The following C9 variants were observed in gnomAD, a reference collection of about 807,000 sequenced individuals.
The protein encoded by C9 is complement component C9.
C9 carries 63 observed loss-of-function variants against 65.4 expected under a neutral mutation model. That is an observed-to-expected ratio of 0.96 (90% CI 0.79 to 1.19). The LOEUF is 1.19. Ranked by LOEUF, C9 falls within the 50% of genes most tolerant of loss-of-function variation. The pLI, the probability that C9 is intolerant of heterozygous loss-of-function variation, is 0.00. For synonymous variants in C9, 229 were observed against 227.9 expected, an observed-to-expected ratio of 1.00 and a Z score of -0.04; for missense variants, 744 against 670.1, an observed-to-expected ratio of 1.11 and a Z score of -1.22.
At chr5:39,292,752 G>A (rs1023261823) in intron 9 of C9, among the ~76,000 whole-genome samples, 1 of 151,172 alleles carries the variant, frequency 6.6e-6, no homozygotes, top group Non-Finnish European at 1.5e-5. Flanking sequence ...AAAAATGGGA[G>A]GGAGGATTTG....
intron 6 of C9, among the ~76,000 whole-genome samples, chr5:39,314,466 A>G (rs1256176502): frequency 6.6e-6 from 1 of 151,928 alleles, no homozygotes; most frequent in Non-Finnish European, 1.5e-5. Flanking sequence ...AATAAATTAA[A>G]TTAAATTAAA....
At position 39,288,787 on chromosome 5, in the gene C9, C is replaced by T. The variant is rs752697776; in HGVS notation, c.1581G>A (p.Leu527=). The change falls in exon 10 of 11, where the codon TTG becomes TTA. Residue 527 remains leucine, a synonymous_variant. Coordinates refer to ENST00000263408, the MANE Select transcript of C9 (RefSeq NM_001737.5). ...CCTCAAATTTGAATGGGCAGGCACACAAACACTTTCCATCCATTAGAATCA... is the reference window on the plus strand; with the variant it reads ...CCTCAAATTTGAATGGGCAGGCACATAAACACTTTCCATCCATTAGAATCA... The part of the protein sequence containing the change: ...GTVILMDGKC[L]CACPFKFEGI... 11 of 1,612,458 alleles carry T rather than the reference C, an allele frequency of 6.8e-6. No individual in the cohort carries two copies. Among genetic ancestry groups the T allele is most frequent in the Non-Finnish European group, 9.3e-6 (11 of 1,178,988 alleles).
chr5:39,359,016 AAAT>A lies in C9; in HGVS notation c.77+5369_77+5371del, dbSNP rs1290221403. On this transcript the variant is annotated intron_variant, in intron 1 of 10. Transcript: ENST00000263408. ...ATAAATAAATAAATAAATAAATAAA[AAAT>A]ATATATATATATATATATGTGTGTG... Among the ~76,000 whole-genome samples, 10 of 14,040 alleles carry A rather than the reference AAAT, an allele frequency of 7.1e-4. No individual in the cohort carries two copies. In the South Asian group the frequency reaches 0.015, roughly 21 times the overall value. 9.2% of individuals were successfully genotyped at this position (14,040 alleles called of 152,430 possible).
chr5:39,350,989 T>G, intron 1 of C9, among the ~76,000 whole-genome samples: 1 of 152,224 alleles, frequency 6.6e-6, no homozygotes, highest in East Asian at 1.9e-4. Context: ...AGCAAACTTC[T>G]GCCTGGACAT....
chr5:39,334,747 C>T (rs1753929197), intron 4 of C9, among the ~76,000 whole-genome samples: 1 of 151,306 alleles, frequency 6.6e-6, no homozygotes, highest in South Asian at 2.1e-4. Flanking sequence ...GTGAGGGGCG[C>T]CTCTGCCCGG....
At chr5:39,287,140 G>T (rs1579834025) in intron 10 of C9, among the ~76,000 whole-genome samples, 1 of 151,898 alleles carries the variant, frequency 6.6e-6, no homozygotes, top group African/African-American at 2.4e-5. Flanking sequence ...AAACTCTTAG[G>T]ATTAGAAACA....
chr5:39,309,450 C>T (rs915117412), intron 7 of C9, among the ~76,000 whole-genome samples: 1 of 152,242 alleles, frequency 6.6e-6, no homozygotes, highest in Middle Eastern at 3.4e-3. Context: ...TTCTCATGCA[C>T]CCACAATTAG....
At chr5:39,353,857 G>GT (rs1217567715) in intron 1 of C9, among the ~76,000 whole-genome samples, 33 of 151,374 alleles carry the variant, frequency 2.2e-4, no homozygotes, top group South Asian at 4.2e-4. Context: ...CTCAGGAAGG[G>GT]TTTTTTTTTA....
chr5:39,315,622 C>A (rs760682272), intron 6 of C9, 153 bp downstream of exon 6: 4 of 618,118 alleles, frequency 6.5e-6, no homozygotes, highest in African/African-American at 1.8e-5. Flanking sequence ...AGACTTTTCT[C>A]CAGTTAGTAT....
At chr5:39,296,050 T>C (rs955401771) in intron 9 of C9, among the ~76,000 whole-genome samples, 1 of 151,618 alleles carries the variant, frequency 6.6e-6, no homozygotes. Flanking sequence ...GAATACTTTA[T>C]TGTAAGACCT....
At chr5:39,331,961 C>G in intron 4 of C9, 147 bp from the exon 5 acceptor site, 1 of 777,368 alleles carries the variant, frequency 1.3e-6, no homozygotes, top group South Asian at 1.4e-5. Flanking sequence ...GAAGCAAGAG[C>G]CTGTTCACCT....
rs754074766 is a variant in C9 at position 39,341,259 on chromosome 5, A to G, written c.363T>C (p.Gly121=). 1.2e-6 allele frequency: 2 copies of G among 1,614,168 alleles called. No individual in the cohort carries two copies. The highest frequency in any genetic ancestry group is 3.3e-5 in the Admixed American group (2 of 60,024). ...RCIKMRLRCN[G]DNDCGDFSDE... is the part of the protein sequence containing the mutation. Reference sequence around the variant, plus strand: ...CTGAAAAGTCTCCGCAGTCATTGTCACCATTACACCGAAGTCGCATCTTTA... The same window carrying G: ...CTGAAAAGTCTCCGCAGTCATTGTCGCCATTACACCGAAGTCGCATCTTTA... Residue 121 remains glycine, a synonymous_variant, in exon 4 of 11, where the codon GGT becomes GGC. Transcript: ENST00000263408.
chr5:39,291,644 C>A (rs1753099671), intron 9 of C9, among the ~76,000 whole-genome samples: 1 of 151,072 alleles, frequency 6.6e-6, no homozygotes, highest in African/African-American at 2.4e-5. Context: ...AAACAAAACC[C>A]AAAGACAATG....
At chr5:39,345,664 C>T (rs1396635539) in intron 1 of C9, among the ~76,000 whole-genome samples, 1 of 152,172 alleles carries the variant, frequency 6.6e-6, no homozygotes, top group Non-Finnish European at 1.5e-5. Context: ...AGCTCTGCAC[C>T]AAGTGGACCT....
intron 1 of C9, among the ~76,000 whole-genome samples, 193 bp downstream of exon 1, chr5:39,364,195 G>A (rs1754573857): frequency 6.6e-6 from 1 of 152,088 alleles, no homozygotes; most frequent in African/African-American, 2.4e-5. Flanking sequence ...CCCAGAAACA[G>A]CAGCACATTT....
chr5:39,295,245 T>C lies in C9; in HGVS notation c.1417-6294A>G, dbSNP rs145405297. Among the ~76,000 whole-genome samples the C allele has an allele frequency of 2.0e-4, 30 of 151,902 alleles. No homozygotes were observed. The East Asian group carries it at 3.9e-3, about 20-fold the overall frequency. ...GAGAAAGAAATAAAGGACACCTAAA[T>C]TGGAAAAGAGGAAGTTAAATTGTCC... On this transcript the variant is annotated intron_variant, in intron 9 of 10. Transcript: ENST00000263408.
intron 4 of C9, among the ~76,000 whole-genome samples, chr5:39,333,549 C>T (rs1753882039): frequency 1.1e-5 from 1 of 94,434 alleles, no homozygotes; most frequent in African/African-American, 3.8e-5. Flanking sequence ...GAAATAAACA[C>T]TTATATCTCC....
intron 1 of C9, among the ~76,000 whole-genome samples, chr5:39,353,823 C>A (rs1459005948): frequency 6.6e-6 from 1 of 152,038 alleles, no homozygotes; most frequent in East Asian, 1.9e-4. Flanking sequence ...GCTTGAATAT[C>A]AAATACCTGA....
At chr5:39,326,001 C>T (rs1579860057) in intron 5 of C9, among the ~76,000 whole-genome samples, 1 of 152,124 alleles carries the variant, frequency 6.6e-6, no homozygotes, top group East Asian at 1.9e-4. Flanking sequence ...ATCCAACTTC[C>T]CACATCTCTT....
Sources: allele counts gnomAD v4.1 joint callset (sites outside exome capture counted in the v4.1 genomes callset), GRCh38; gene constraint gnomAD v4.1.1; transcripts MANE v1.5; gene names NCBI Gene and HGNC (gene_info 2026-07-23, HGNC 2026-07-21).